The following DSE variants were observed in gnomAD, a reference collection of about 807,000 sequenced individuals.
DSE encodes the protein dermatan sulfate epimerase.
A neutral mutation model predicts 84.4 loss-of-function variants in DSE; 36 were observed. The ratio of observed to expected loss-of-function variants is 0.43; its 90% CI spans 0.33 to 0.56. The LOEUF (loss-of-function observed/expected upper bound fraction) is 0.56. Ranked by LOEUF, DSE falls within the 20% of genes least tolerant of loss-of-function variation. The pLI is 0.06. For missense variants in DSE, 862 were observed against 1,169.6 expected, an observed-to-expected ratio of 0.74 and a Z score of 3.84; for synonymous variants, 410 against 430.1, an observed-to-expected ratio of 0.95 and a Z score of 0.58.
At chr6:116,292,088 T>C (rs975628794) in intron 2 of DSE, among the ~76,000 whole-genome samples, 2 of 152,144 alleles carry the variant, frequency 1.3e-5, no homozygotes, top group African/African-American at 2.4e-5. Flanking sequence ...GGGTTTACAG[T>C]TAGACTTGGA....
intron 2 of DSE, among the ~76,000 whole-genome samples, chr6:116,335,158 A>G (rs1318449138): frequency 6.6e-6 from 1 of 152,236 alleles, no homozygotes; most frequent in Non-Finnish European, 1.5e-5. Flanking sequence ...GATAAAGAAA[A>G]TGTGGTATAT....
intron 2 of DSE, among the ~76,000 whole-genome samples, chr6:116,317,464 T>C (rs1776050936): frequency 6.6e-6 from 1 of 152,262 alleles, no homozygotes; most frequent in Non-Finnish European, 1.5e-5. Context: ...TTACACATTC[T>C]TTAACCTGGT....
chr6:116,278,948 C>G, intron 2 of DSE: 2 of 1,614,056 alleles, frequency 1.2e-6, no homozygotes, highest in Non-Finnish European at 1.7e-6. Context: ...GCATCTTGGC[C>G]CCTAATCATG....
At chr6:116,361,815 A>G (rs888741834) in intron 2 of DSE, among the ~76,000 whole-genome samples, 2 of 152,202 alleles carry the variant, frequency 1.3e-5, no homozygotes, top group African/African-American at 4.8e-5. Flanking sequence ...TACTATCACA[A>G]TAGTACTTCT....
At chr6:116,395,210 G>A (rs1475957454) in intron 1 of DSE, among the ~76,000 whole-genome samples, 1 of 150,172 alleles carries the variant, frequency 6.7e-6, no homozygotes, top group Non-Finnish European at 1.5e-5. Context: ...TGGATCACGA[G>A]GTCAAGAGAG....
At position 116,437,376 on chromosome 6, in the gene DSE, G is replaced by A. The variant is rs778617812; in HGVS notation, c.*31G>A. 3.9e-6 allele frequency: 6 copies of A among 1,527,532 alleles called. No homozygotes were observed. In the African/African-American group the frequency reaches 8.4e-5, roughly 21 times the overall value. The allele number at this position is 1,527,532 out of a possible 1,614,324, so 94.6% of individuals were successfully genotyped here. A position where few individuals can be genotyped will look rare whatever the true frequency, so the allele number is the denominator to read the frequency against. ...AAGCTATAAATTACCTGGTCATTTTGTGATCACAAGAGTCTATGCAAAAAA... is the reference window on the plus strand; with the variant it reads ...AAGCTATAAATTACCTGGTCATTTTATGATCACAAGAGTCTATGCAAAAAA... On this transcript the variant is annotated 3_prime_UTR_variant, in exon 6 of 6. Coordinates refer to ENST00000644252, the MANE Select transcript of DSE (RefSeq NM_013352.4).
chr6:116,433,540 G>C lies in DSE; in HGVS notation c.1108G>C (p.Glu370Gln). The C allele has an allele frequency of 6.3e-7, 1 of 1,585,416 alleles. No homozygotes were observed. Among genetic ancestry groups the C allele is most frequent in the South Asian group, 1.2e-5 (1 of 86,744 alleles). The change falls in exon 5 of 6, where the codon GAA (glutamate) becomes CAA (glutamine). Residue 370 changes from glutamate to glutamine, a missense_variant. Transcript: ENST00000644252. ...GCAGCGCTGGTGCACTCTGCACACA[G>C]AATTTCTCTGGTATGACACATTGGG... Reference protein sequence around the residue: ...KGQRWCTLHTEFLWYDGSLKS... With the variant: ...KGQRWCTLHTQFLWYDGSLKS...
intron 2 of DSE, among the ~76,000 whole-genome samples, chr6:116,293,353 C>T (rs1774422570): frequency 6.6e-6 from 1 of 151,218 alleles, no homozygotes; most frequent in Non-Finnish European, 1.5e-5. Context: ...CTCACTACAA[C>T]CTCTGCCTCC....
At chr6:116,387,886 T>C (rs757289153) in intron 1 of DSE, among the ~76,000 whole-genome samples, 1 of 152,064 alleles carries the variant, frequency 6.6e-6, no homozygotes, top group Non-Finnish European at 1.5e-5. Flanking sequence ...TTTCCCAAAG[T>C]GTCAGGGAAG....
intron 1 of DSE, among the ~76,000 whole-genome samples, chr6:116,397,197 C>CTCTT (rs1164236367): frequency 6.5e-5 from 9 of 138,034 alleles, no homozygotes; most frequent in South Asian, 2.3e-4. Context: ...GTATATTATT[C>CTCTT]TCTTTCTTTC....
At chr6:116,429,780 C>T (rs1392993266) in intron 3 of DSE, among the ~76,000 whole-genome samples, 1 of 48,324 alleles carries the variant, frequency 2.1e-5, no homozygotes, top group Non-Finnish European at 4.2e-5. Flanking sequence ...AACCCCGTCT[C>T]TACTAAAAAT....
At position 116,336,739 on chromosome 6, in the gene DSE, G is replaced by A. The variant is rs1583040572; in HGVS notation, c.-53-62459G>A. Among the ~76,000 whole-genome samples the A allele has an allele frequency of 4.8e-5, 6 of 125,970 alleles. No individual in the cohort carries two copies. The South Asian group carries it at 1.1e-3, about 23-fold the overall frequency. The allele number at this position is 125,970 out of a possible 152,430, so 82.6% of individuals were successfully genotyped here. On this transcript the variant is annotated intron_variant, in intron 2 of 3. Transcript: ENST00000430252. ...CATTGCACTCCAGCCTGGGCAACAA[G>A]AGCAAAACTCCATCTCAAAAAAAAA...
At chr6:116,375,477 C>T in intron 1 of DSE, 1 of 963,590 alleles carries the variant, frequency 1.0e-6, no homozygotes, top group Non-Finnish European at 1.2e-6. Context: ...GCACTCCAGC[C>T]TGGGCGACAG....
Position 116,436,635 on chromosome 6 carries a change from C to T in DSE, c.2167C>T (p.Arg723Trp), listed in dbSNP as rs754852913. The T allele has an allele frequency of 9.9e-6, 16 of 1,613,982 alleles. No individual in the cohort carries two copies. The highest frequency in any genetic ancestry group is 6.7e-5 in the Admixed American group (4 of 60,008). Residue 723 changes from arginine to tryptophan, a missense_variant, in exon 6 of 6, where the codon CGG (arginine) becomes TGG (tryptophan). Physicochemically the swap from Arg to Trp is moderately radical, Grantham distance 101. Coordinates refer to ENST00000644252, the MANE Select transcript of DSE (RefSeq NM_013352.4). ...IADRHKILFDRNSAIKSSIVP... is the reference protein window; with the variant it reads ...IADRHKILFDWNSAIKSSIVP... ...TGATCGTCACAAAATTCTGTTTGAC[C>T]GGAATTCAGCCATCAAGAGCAGCAT...
chr6:116,404,828 CTT>C (rs1190332146), intron 2 of DSE, among the ~76,000 whole-genome samples: 6 of 152,134 alleles, frequency 3.9e-5, no homozygotes, highest in African/African-American at 7.2e-5. Flanking sequence ...TTAGTTCTCT[CTT>C]TATAGTATTT....
intron 2 of DSE, chr6:116,276,524 T>C (rs1178915617): frequency 1.3e-5 from 2 of 152,228 alleles, no homozygotes; most frequent in African/African-American, 4.8e-5. Context: ...TGTGTCCATT[T>C]AAGGACTTTA....
At chr6:116,291,099 A>T (rs575940716) in intron 2 of DSE, among the ~76,000 whole-genome samples, 1 of 152,310 alleles carries the variant, frequency 6.6e-6, no homozygotes, top group South Asian at 2.1e-4. Context: ...GTGGGATGGC[A>T]TACAAAAATC....
upstream of DSE, among the ~76,000 whole-genome samples, chr6:116,368,714 C>A (rs1372281763): frequency 6.6e-6 from 1 of 152,158 alleles, no homozygotes; most frequent in Admixed American, 6.5e-5. Context: ...TTGGGTGAAA[C>A]CTTGAATTCA....
At chr6:116,312,672 C>T (rs4409208) in intron 2 of DSE, among the ~76,000 whole-genome samples, 48,733 of 151,882 alleles carry the variant, frequency 0.32, 8,430 homozygotes, top group East Asian at 0.65. Flanking sequence ...CTTATTTTCT[C>T]AAAAAATATT....
Sources: allele counts gnomAD v4.1 joint callset (sites outside exome capture counted in the v4.1 genomes callset), GRCh38; gene constraint gnomAD v4.1.1; transcripts MANE v1.5; gene names NCBI Gene and HGNC (gene_info 2026-07-23, HGNC 2026-07-21).